The following SEPTIN4 variants were observed in gnomAD, a reference collection of about 807,000 sequenced individuals.
SEPTIN4 encodes septin 4.
Under a neutral mutation model 107.1 loss-of-function variants are expected in SEPTIN4, and 52 were observed. The ratio of observed to expected loss-of-function variants is 0.49; its 90% CI spans 0.39 to 0.61. SEPTIN4 has a LOEUF of 0.61. SEPTIN4 is among the 20% of genes least tolerant of loss of function. The pLI, the probability that SEPTIN4 is intolerant of heterozygous loss-of-function variation, is 0.00. For missense variants in SEPTIN4, 1,048 were observed against 1,243.5 expected (o/e 0.84, Z 2.36); for synonymous variants, 417 against 467.0 (o/e 0.89, Z 1.38).
intron 12 of SEPTIN4, 71 bp from the exon 13 acceptor site, chr17:58,520,913 A>G: frequency 1.2e-6 from 2 of 1,612,340 alleles, no homozygotes; most frequent in South Asian, 1.1e-5. Context: ...CAGGGCCTAT[A>G]GAAGAACAAA....
At position 58,543,798 on chromosome 17, in the gene SEPTIN4, G is replaced by A. The variant is rs939381852; in HGVS notation, c.389C>T (p.Ala130Val). The change falls in exon 1 of 14, where the codon GCA (alanine) becomes GTA (valine). Residue 130 changes from alanine to valine, a missense_variant. Around this residue, in one of 2 missense-constraint regions of SEPTIN4, gnomAD observed 787 missense variants for 871.8 expected, o/e 0.90. Transcript: ENST00000672673. ...QWKVSPPREE[A>V]ARRGSESKSG... ...CTTGCTCTCACTGCCTCTTCGTGCT[G>A]CTTCCTCTCTGGGTGGACTAACTTT... is the stretch of plus-strand genomic sequence containing the variant. The A allele has an allele frequency of 3.1e-6, 5 of 1,614,104 alleles. No homozygotes were observed. In the African/African-American group the frequency reaches 5.3e-5, roughly 17 times the overall value.
At chr17:58,529,514 A>G in intron 3 of SEPTIN4, 1 of 805,586 alleles carries the variant, frequency 1.2e-6, no homozygotes, top group Non-Finnish European at 1.5e-6. Context: ...TGGGCACAGC[A>G]CCAACCTCCC....
intron 3 of SEPTIN4, chr17:58,532,049 C>G (rs867945199): frequency 1.8e-6 from 2 of 1,118,662 alleles, no homozygotes; most frequent in East Asian, 9.9e-5. Context: ...GCAGCACCGC[C>G]GTCACCCTCC....
At chr17:58,520,601 G>A (rs1018967235) in intron 13 of SEPTIN4, 116 bp from the exon 14 acceptor site, 5 of 1,508,804 alleles carry the variant, frequency 3.3e-6, no homozygotes, top group African/African-American at 1.4e-5. Context: ...AGGTGTGATG[G>A]AGACTCTGGA....
chr17:58,542,713 G>C lies in SEPTIN4; in HGVS notation c.1474C>G (p.Pro492Ala). 6.2e-7 allele frequency: 1 copy of C among 1,614,188 alleles called. No individual in the cohort carries two copies. The highest frequency in any genetic ancestry group is 8.5e-7 in the Non-Finnish European group (1 of 1,180,046). The change falls in exon 1 of 14, where the codon CCA becomes GCA. Residue 492 changes from proline to alanine, a missense_variant. By Grantham distance (27) the Pro-to-Ala change is conservative (BLOSUM62 -1). Around this residue, in one of 2 missense-constraint regions of SEPTIN4, gnomAD observed 787 missense variants for 871.8 expected, o/e 0.90. Transcript: ENST00000672673. ...ACTTCACTCAGTGGTGCCCAACTTG[G>C]AAACTCCTTTGGTGGTGATGGTGGT... ...LSPPSPPKEF[P>A]SWAPLSEVPQ...
rs2144270487 is a variant in SEPTIN4 at position 58,542,614 on chromosome 17, T to C, written c.1561+12A>G. ...TTGGGGCTGCACCTGGGCAGTCTGC[T>C]TCTTCACATACCCAGGAAGAAAGCA... On this transcript the variant is annotated intron_variant, in intron 1 of 13. Coordinates refer to ENST00000672673, the MANE Select transcript of SEPTIN4 (RefSeq NM_001368771.2). The C allele has an allele frequency of 1.3e-6, 2 of 1,599,448 alleles. No homozygotes were observed. Among genetic ancestry groups the C allele is most frequent in the Admixed American group, 1.7e-5 (1 of 58,726 alleles).
At chr17:58,542,050 G>A in intron 1 of SEPTIN4, 84 bp from the exon 2 acceptor site, 1 of 1,493,472 alleles carries the variant, frequency 6.7e-7, no homozygotes, top group Non-Finnish European at 9.1e-7. Context: ...TCCCTTTCTA[G>A]CTCCACATTT....
intron 2 of SEPTIN4, chr17:58,541,511 T>A (rs532215393): frequency 3.7e-6 from 1 of 271,210 alleles, no homozygotes; most frequent in African/African-American, 2.2e-5. Context: ...ATGAGGAGGG[T>A]TCTGAGGAAC....
At position 58,543,128 on chromosome 17, in the gene SEPTIN4, T is replaced by G; in HGVS notation, c.1059A>C (p.Pro353=). ...ACTTGTGGGAGCCCTCAGACACTGA[T>G]GGAACTGTCACATGGTGAGTTGGCT... ...SVEPTHHVTV[P]SVSEGSHKSS... is the part of the protein sequence containing the mutation. The change falls in exon 1 of 14, where the codon CCA becomes CCC. Residue 353 remains proline (P), a synonymous_variant. Coordinates refer to ENST00000672673, the MANE Select transcript of SEPTIN4 (RefSeq NM_001368771.2). 5.6e-6 allele frequency: 9 copies of G among 1,612,396 alleles called. No individual in the cohort carries two copies. Among genetic ancestry groups the G allele is most frequent in the African/African-American group, 1.3e-5 (1 of 74,988 alleles).
chr17:58,541,875 A>G (rs2043885820), intron 2 of SEPTIN4, 47 bp downstream of exon 2: 6 of 1,613,922 alleles, frequency 3.7e-6, no homozygotes, highest in African/African-American at 2.7e-5. Context: ...CTGTCCTCCC[A>G]TCCCCCAAGC....
At chr17:58,541,785 C>G in intron 2 of SEPTIN4, 137 bp downstream of exon 2, 1 of 1,598,828 alleles carries the variant, frequency 6.3e-7, no homozygotes, top group Non-Finnish European at 8.5e-7. Flanking sequence ...TGAGAAGTTC[C>G]TCTGCTTCTT....
At chr17:58,542,080 C>A in intron 1 of SEPTIN4, 114 bp from the exon 2 acceptor site, 1 of 1,240,600 alleles carries the variant, frequency 8.1e-7, no homozygotes, top group South Asian at 1.4e-5. Flanking sequence ...AAGGTGCCCT[C>A]AGCCCTTGGT....
chr17:58,541,870 C>T (rs1411711166), intron 2 of SEPTIN4, 52 bp downstream of exon 2: 1 of 1,614,176 alleles, frequency 6.2e-7, no homozygotes. Context: ...CTCACCTGTC[C>T]TCCCATCCCC....
At chr17:58,525,895 A>G in intron 5 of SEPTIN4, 114 bp from the exon 6 acceptor site, 1 of 946,810 alleles carries the variant, frequency 1.1e-6, no homozygotes, top group Non-Finnish European at 1.6e-6. Context: ...TTGGAACTAG[A>G]CTAACCAAAC....
chr17:58,522,654 CAAAA>C (rs1233539293), intron 7 of SEPTIN4, among the ~76,000 whole-genome samples: 4 of 52,662 alleles, frequency 7.6e-5, no homozygotes, highest in Non-Finnish European at 8.3e-5. Context: ...CAGACTGTCA[CAAAA>C]AAAAAAAAAA....
chr17:58,521,741 G>A lies in SEPTIN4; in HGVS notation c.2464C>T (p.Arg822Cys), dbSNP rs369390304. The change falls in exon 9 of 14, where the codon CGC becomes TGC. Residue 822 changes from arginine to cysteine, a missense_variant. Arg to Cys is a radical substitution (Grantham distance 180, BLOSUM62 -3). Transcript: ENST00000672673. This position sits in a 1 kb window ranked among gnomAD's most constrained non-coding sequence, Gnocchi z 6.4. ...CCACCACCAGCTTCCCTCACTTTGC[G>A]TTTCTTGTGGTCCACTTCGGGAGGT... ...LTPPEVDHKK[R>C]KIREEIEHFG... 6.9e-5 allele frequency: 112 copies of A among 1,614,224 alleles called. 1 individual carries two copies. In the Middle Eastern group the frequency reaches 8.2e-4, roughly 12 times the overall value.
intron 3 of SEPTIN4, chr17:58,529,142 A>G: frequency 6.2e-7 from 1 of 1,614,246 alleles, no homozygotes. Flanking sequence ...CCTCAGGGAC[A>G]GAATTCCCTT....
At chr17:58,526,561 CACACACACACAA>C (rs2144107431) in intron 4 of SEPTIN4, 109 bp downstream of exon 4, 3 of 1,403,666 alleles carry the variant, frequency 2.1e-6, no homozygotes, top group African/African-American at 1.6e-5. Flanking sequence ...GTCCCAGATA[CACACACACACAA>C]ACACACACAC....
Position 58,544,037 on chromosome 17 carries a change from G to T in SEPTIN4, c.150C>A (p.His50Gln), listed in dbSNP as rs199542146. The T allele has an allele frequency of 6.2e-7, 1 of 1,614,172 alleles. No homozygotes were observed. The highest frequency in any genetic ancestry group is 8.5e-7 in the Non-Finnish European group (1 of 1,180,036). ...RSAAVSLNPS[H>Q]RRSEAAHPTT... ...TGGGATGTGCAGCTTCTGATCTTCG[G>T]TGGGAAGGGTTCAGGGAGACTGCAG... The change falls in exon 1 of 14, where the codon CAC (histidine) becomes CAA (glutamine). Residue 50 changes from histidine to glutamine, a missense_variant. His to Gln is a conservative substitution (Grantham distance 24). Transcript: ENST00000672673.
Sources: allele counts gnomAD v4.1 joint callset (sites outside exome capture counted in the v4.1 genomes callset), GRCh38; gene constraint gnomAD v4.1.1; regional missense constraint gnomAD v4.1.1; non-coding constraint Gnocchi (gnomAD v3.1); transcripts MANE v1.5; gene names NCBI Gene and HGNC (gene_info 2026-07-23, HGNC 2026-07-21).